Variants in RAP1GDS1 observed in about 807,000 individuals in gnomAD.
RAP1GDS1 encodes RAP1, GTP-GDP dissociation stimulator 1.
Under a neutral mutation model 71.1 loss-of-function variants are expected in RAP1GDS1, and 35 were observed. That is an observed-to-expected ratio of 0.49 (90% CI 0.38 to 0.65). The LOEUF is 0.65. Ranked by LOEUF, RAP1GDS1 falls within the 30% of genes least tolerant of loss-of-function variation. RAP1GDS1 has a pLI of 0.00. For synonymous variants in RAP1GDS1, 229 were observed against 243.1 expected, an observed-to-expected ratio of 0.94 and a Z score of 0.54; for missense variants, 663 against 706.1, an observed-to-expected ratio of 0.94 and a Z score of 0.69.
chr4:98,426,036 A>C (rs972256555), intron 12 of RAP1GDS1, among the ~76,000 whole-genome samples: 1 of 152,170 alleles, frequency 6.6e-6, no homozygotes, highest in African/African-American at 2.4e-5. Flanking sequence ...CTCTCAAACC[A>C]CAGTGGAATA....
rs775695328 is a variant in RAP1GDS1, at chr4:98,272,184, GTAAT to G, written c.4+10617_4+10620del. Among the ~76,000 whole-genome samples, 11 of 152,344 alleles carry G rather than the reference GTAAT, an allele frequency of 7.2e-5. No homozygotes were observed. The South Asian group carries it at 1.4e-3, about 20-fold the overall frequency. On this transcript the variant is annotated intron_variant, in intron 1 of 14. Coordinates refer to ENST00000408927, the MANE Select transcript of RAP1GDS1 (RefSeq NM_001100427.2). ...TACTACATATTGGGTTAGTGTGTAA[GTAAT>G]TGTGGTTTCAGACTCTGCATTTTAA... is the stretch of plus-strand genomic sequence containing the variant.
At chr4:98,426,036 A>G (rs972256555) in intron 12 of RAP1GDS1, among the ~76,000 whole-genome samples, 1 of 152,170 alleles carries the variant, frequency 6.6e-6, no homozygotes, top group Admixed American at 6.5e-5. Flanking sequence ...CTCTCAAACC[A>G]CAGTGGAATA....
At position 98,442,393 on chromosome 4, in the gene RAP1GDS1, A is replaced by G. The variant is rs988440175; in HGVS notation, c.*276A>G. Reference sequence around the variant, plus strand: ...AGTAGAATGTGCATGTTGTAGTCCTATGATGATGTAAACTTGGTACTACAT... The same window carrying G: ...AGTAGAATGTGCATGTTGTAGTCCTGTGATGATGTAAACTTGGTACTACAT... On this transcript the variant is annotated 3_prime_UTR_variant, in exon 15 of 15. Transcript: ENST00000408927. 4 of 317,916 alleles carry G rather than the reference A, an allele frequency of 1.3e-5. No individual in the cohort carries two copies. The highest frequency in any genetic ancestry group is 8.3e-5 in the African/African-American group (4 of 48,342). The allele number at this position is 317,916 out of a possible 1,614,324, so 19.7% of individuals were successfully genotyped here. A position where few individuals can be genotyped will look rare whatever the true frequency, so the allele number is the denominator to read the frequency against.
At chr4:98,385,888 A>G (rs1451377012) in intron 5 of RAP1GDS1, among the ~76,000 whole-genome samples, 1 of 151,930 alleles carries the variant, frequency 6.6e-6, no homozygotes, top group East Asian at 1.9e-4. Flanking sequence ...ACACGTTGGA[A>G]TATAAATTAA....
chr4:98,328,929 A>G (rs1194686685), intron 2 of RAP1GDS1, among the ~76,000 whole-genome samples: 2 of 152,250 alleles, frequency 1.3e-5, no homozygotes, highest in Admixed American at 1.3e-4. Context: ...AAGGCTGCAA[A>G]GCCAAACCAA....
chr4:98,410,108 A>C (rs575106634), intron 7 of RAP1GDS1, among the ~76,000 whole-genome samples: 10 of 152,300 alleles, frequency 6.6e-5, no homozygotes, highest in Admixed American at 3.3e-4. Context: ...ATCTCTACCA[A>C]AAACAAATAA....
chr4:98,328,160 AT>A (rs1733418775), intron 2 of RAP1GDS1, among the ~76,000 whole-genome samples: 1 of 152,158 alleles, frequency 6.6e-6, no homozygotes, highest in Admixed American at 6.6e-5. Context: ...TCCCATAGGA[AT>A]TTATCCAGTT....
intron 12 of RAP1GDS1, among the ~76,000 whole-genome samples, chr4:98,433,069 G>A (rs1208081544): frequency 6.6e-6 from 1 of 152,148 alleles, no homozygotes; most frequent in Non-Finnish European, 1.5e-5. Context: ...ATTGAATCCA[G>A]AGCTTGATGT....
intron 13 of RAP1GDS1, 87 bp downstream of exon 13, chr4:98,434,149 C>A (rs1400902833): frequency 1.1e-5 from 17 of 1,487,120 alleles, no homozygotes; most frequent in Non-Finnish European, 1.6e-5. Context: ...TCAGACAGAA[C>A]CTTGACTGGA....
chr4:98,390,260 TGTAA>T (rs895195079), intron 5 of RAP1GDS1, among the ~76,000 whole-genome samples: 2 of 152,172 alleles, frequency 1.3e-5, no homozygotes, highest in African/African-American at 4.8e-5. Flanking sequence ...AACACTATTG[TGTAA>T]GTATTTTACC....
At chr4:98,383,952 AACTTT>A (rs1258728188) in intron 5 of RAP1GDS1, among the ~76,000 whole-genome samples, 2 of 151,604 alleles carry the variant, frequency 1.3e-5, no homozygotes, top group Non-Finnish European at 3.0e-5. Context: ...ACTATTTTTA[AACTTT>A]ACTTACTGTG....
intron 5 of RAP1GDS1, among the ~76,000 whole-genome samples, chr4:98,379,997 G>A (rs976432803): frequency 6.7e-6 from 1 of 150,232 alleles, no homozygotes; most frequent in East Asian, 2.0e-4. Flanking sequence ...TTCGTGTGTT[G>A]TAGAAACACG....
chr4:98,361,706 C>A lies in RAP1GDS1; in HGVS notation c.361+9105C>A, dbSNP rs80063105. ...CTCATTTTATGCTGTGCCCTTGGTACTAGTGCTTTGGGAAATGAAAGATTT... is the reference window on the plus strand; with the variant it reads ...CTCATTTTATGCTGTGCCCTTGGTAATAGTGCTTTGGGAAATGAAAGATTT... On this transcript the variant is annotated intron_variant, in intron 4 of 14. Transcript: ENST00000408927. Among the ~76,000 whole-genome samples, 1,206 of 152,186 alleles carry A rather than the reference C, an allele frequency of 7.9e-3. 16 individuals are homozygous for A. Among genetic ancestry groups the A allele is most frequent in the African/African-American group, 0.028 (1,154 of 41,522 alleles).
At chr4:98,289,213 A>G (rs1726526457) in intron 1 of RAP1GDS1, among the ~76,000 whole-genome samples, 1 of 152,158 alleles carries the variant, frequency 6.6e-6, no homozygotes, top group Non-Finnish European at 1.5e-5. Context: ...TAAAGAATCT[A>G]TATAAAAATA....
chr4:98,271,131 A>G (rs760135194), intron 1 of RAP1GDS1, among the ~76,000 whole-genome samples: 35 of 152,226 alleles, frequency 2.3e-4, no homozygotes, highest in Non-Finnish European at 2.6e-4. Context: ...TGGTACCCCT[A>G]GTGCCTGCAT....
intron 1 of RAP1GDS1, among the ~76,000 whole-genome samples, chr4:98,262,357 C>T (rs1227746587): frequency 6.6e-6 from 1 of 152,210 alleles, no homozygotes; most frequent in Admixed American, 6.5e-5. Flanking sequence ...GTCTAATCTG[C>T]ATAATCTGAT....
intron 1 of RAP1GDS1, among the ~76,000 whole-genome samples, chr4:98,283,282 A>T (rs753208729): frequency 2.0e-5 from 3 of 152,190 alleles, no homozygotes; most frequent in Non-Finnish European, 4.4e-5. Flanking sequence ...AGAGCAAAGA[A>T]AAAATAGTAT....
chr4:98,290,969 G>A (rs1359102985), intron 1 of RAP1GDS1, among the ~76,000 whole-genome samples: 1 of 152,054 alleles, frequency 6.6e-6, no homozygotes, highest in African/African-American at 2.4e-5. Flanking sequence ...AGAGAAGGAA[G>A]ATCTATTGAA....
chr4:98,270,482 TA>T (rs1723298988), intron 1 of RAP1GDS1, among the ~76,000 whole-genome samples: 1 of 152,116 alleles, frequency 6.6e-6, no homozygotes, highest in Non-Finnish European at 1.5e-5. Context: ...ATAAATGACC[TA>T]AAAAAACATT....
Sources: gnomAD v4.1 joint callset for allele counts (sites outside exome capture counted in the v4.1 genomes callset) on GRCh38, gnomAD v4.1.1 for gene constraint, MANE v1.5 for transcripts, NCBI Gene and HGNC (gene_info 2026-07-23, HGNC 2026-07-21) for gene names.